ANKRD18B: variants seen among roughly 807,000 people sequenced by gnomAD.
ANKRD18B encodes the protein ankyrin repeat domain 18B, also known as ankyrin repeat domain-containing protein 18B.
Under a neutral mutation model 111.8 loss-of-function variants are expected in ANKRD18B, and 75 were observed. That is an observed-to-expected ratio of 0.67 (90% confidence interval 0.56 to 0.81). The LOEUF is 0.81. Ranked by LOEUF, ANKRD18B falls within the 40% of genes least tolerant of loss-of-function variation. The pLI, the probability that ANKRD18B is intolerant of heterozygous loss-of-function variation, is 0.00. For missense variants in ANKRD18B, 1,038 were observed against 1,225.5 expected, an observed-to-expected ratio of 0.85 and a Z score of 2.28; for synonymous variants, 356 against 417.3, an observed-to-expected ratio of 0.85 and a Z score of 1.79.
At chr9:33,541,792 A>G (rs1441395710) in intron 9 of ANKRD18B, among the ~76,000 whole-genome samples, 1 of 152,190 alleles carries the variant, frequency 6.6e-6, no homozygotes, top group Admixed American at 6.5e-5. Flanking sequence ...TTGCTTTTTA[A>G]AAAAATTTAA....
At chr9:33,573,405 G>T, downstream of ANKRD18B, 2 of 693,916 alleles carry the variant, frequency 2.9e-6, 1 homozygote, top group Non-Finnish European at 3.5e-6. Flanking sequence ...TGTGTCTCTA[G>T]ATCGGGGCTC....
chr9:33,553,651 G>A (rs549451586), intron 12 of ANKRD18B, among the ~76,000 whole-genome samples: 1 of 152,296 alleles, frequency 6.6e-6, no homozygotes, highest in Admixed American at 6.5e-5. Flanking sequence ...CAATGACATA[G>A]TTGAGTGTCC....
chr9:33,572,757 T>G lies in ANKRD18B; in HGVS notation c.*323T>G, dbSNP rs1274151956. 4 of 1,002,252 alleles carry G rather than the reference T, an allele frequency of 4.0e-6. 1 individual carries two copies. Among genetic ancestry groups the G allele is most frequent in the Non-Finnish European group, 4.8e-6 (4 of 838,074 alleles). 62.1% of individuals were successfully genotyped at this position (1,002,252 alleles called of 1,614,324 possible). A position where few individuals can be genotyped will look rare whatever the true frequency, so the allele number is the denominator to read the frequency against. ...TTATTACCATATATAGTAGGAGACT[T>G]AAAGAGTATCTGCCAGGTTTGTCCA... is the stretch of plus-strand genomic sequence containing the variant. On this transcript the variant is annotated 3_prime_UTR_variant, in exon 19 of 19. Transcript: ENST00000684830.
In ANKRD18B at chr9:33,548,533, T is replaced by G; in HGVS notation, c.1745T>G (p.Leu582Arg). 6.4e-7 allele frequency: 1 copy of G among 1,551,002 alleles called. No homozygotes were observed. Among genetic ancestry groups the G allele is most frequent in the East Asian group, 2.4e-5 (1 of 40,914 alleles). ...TLALESVQLD[L>R]KQAQHRIKEM... ...GCTTTAGAAAGTGTACAGCTGGACC[T>G]AAAGCAAGCGCAGCATCGAATAAAG... The change falls in exon 11 of 19, where the codon CTA (leucine) becomes CGA (arginine). Residue 582 changes from leucine (L) to arginine (R), a missense_variant. Around this residue, in one of 4 missense-constraint regions of ANKRD18B, gnomAD observed 524 missense variants for 677.9 expected, o/e 0.77. Coordinates refer to ENST00000684830, the MANE Select transcript of ANKRD18B (RefSeq NM_001393611.1).
rs1828248042 is a variant in ANKRD18B, at chr9:33,539,448, G to A, written c.809-1G>A. 6.1e-6 allele frequency: 1 copy of A among 164,936 alleles called. No individual in the cohort carries two copies. The highest frequency in any genetic ancestry group is 2.4e-5 in the African/African-American group (1 of 41,464). 10.2% of individuals were successfully genotyped at this position (164,936 alleles called of 1,614,324 possible). ...ATCTAACAAGCTTGCATGTTTGACA[G>A]AAGCAGCAGCCATGAAGAATGAAAG... On this transcript the variant is annotated splice_acceptor_variant, in intron 6 of 18. Transcript: ENST00000684830. LOFTEE classifies it high-confidence loss of function.
intron 11 of ANKRD18B, 77 bp downstream of exon 11, chr9:33,548,932 C>A: frequency 3.1e-6 from 4 of 1,278,198 alleles, no homozygotes; most frequent in Non-Finnish European, 4.2e-6. Context: ...GAACGTAGTT[C>A]AATATAAAAA....
chr9:33,573,299 C>A, downstream of ANKRD18B: 1 of 985,168 alleles, frequency 1.0e-6, no homozygotes, highest in Non-Finnish European at 1.2e-6. Flanking sequence ...TACCAAGAAA[C>A]TAGCAAAGGG....
chr9:33,538,086 A>G (rs997201551), intron 6 of ANKRD18B, among the ~76,000 whole-genome samples: 8 of 152,164 alleles, frequency 5.3e-5, no homozygotes, highest in African/African-American at 1.9e-4. Context: ...TCAAGGGTCA[A>G]CTGCATTACA....
chr9:33,535,307 A>G (rs1417982602), intron 5 of ANKRD18B, among the ~76,000 whole-genome samples: 1 of 152,020 alleles, frequency 6.6e-6, no homozygotes. Context: ...TTTTTTCGAG[A>G]TGGAGTCTTG....
intron 16 of ANKRD18B, 127 bp from the exon 17 acceptor site, chr9:33,568,544 C>G: frequency 1.3e-6 from 1 of 743,776 alleles, no homozygotes; most frequent in Admixed American, 3.3e-5. Context: ...CACACATCTT[C>G]GTGTGAAAAC....
At chr9:33,549,454 C>A (rs1361194541) in intron 11 of ANKRD18B, among the ~76,000 whole-genome samples, 1 of 152,032 alleles carries the variant, frequency 6.6e-6, no homozygotes, top group African/African-American at 2.4e-5. Flanking sequence ...TTTATGTTGC[C>A]GCATTTTAAG....
intron 14 of ANKRD18B, 49 bp downstream of exon 14, chr9:33,558,236 G>A (rs1312872713): frequency 6.4e-7 from 1 of 1,550,700 alleles, no homozygotes; most frequent in Admixed American, 1.9e-5. Flanking sequence ...TTACATGTGT[G>A]AGAGGTACAG....
chr9:33,568,973 T>C (rs1828729098), intron 17 of ANKRD18B, 80 bp downstream of exon 17: 1 of 1,303,198 alleles, frequency 7.7e-7, no homozygotes, highest in African/African-American at 1.5e-5. Flanking sequence ...AATACTGAGT[T>C]GTTCTGTTGA....
intron 1 of ANKRD18B, 40 bp downstream of exon 1, chr9:33,524,735 G>A: frequency 6.5e-7 from 1 of 1,528,772 alleles, no homozygotes; most frequent in South Asian, 1.2e-5. Context: ...GGGCCCCCAG[G>A]CCCGGTTTCC....
In ANKRD18B at chr9:33,551,568, G is replaced by A. The variant is rs558728736; in HGVS notation, c.2217+989G>A. Reference sequence around the variant, plus strand: ...ATGTTTTCAGAATTTTATCCATGTTGTAGCACATATCAGTAGTTTATTCCT... The same window carrying A: ...ATGTTTTCAGAATTTTATCCATGTTATAGCACATATCAGTAGTTTATTCCT... On this transcript the variant is annotated intron_variant, in intron 12 of 18. Transcript: ENST00000684830. 8.4e-4 allele frequency among the ~76,000 whole-genome samples: 128 copies of A among 152,046 alleles called. 1 individual carries two copies. The highest frequency in any genetic ancestry group is 3.1e-3 in the African/African-American group (127 of 41,456).
intron 13 of ANKRD18B, 35 bp from the exon 14 acceptor site, chr9:33,558,023 A>G: frequency 1.3e-6 from 2 of 1,493,718 alleles, no homozygotes; most frequent in South Asian, 2.6e-5. Context: ...TTACTCTTAA[A>G]AATTCTTGAC....
intron 12 of ANKRD18B, among the ~76,000 whole-genome samples, chr9:33,552,414 C>T (rs1009263860): frequency 2.0e-5 from 3 of 152,174 alleles, no homozygotes; most frequent in African/African-American, 4.8e-5. Flanking sequence ...GCAGAGTACT[C>T]GTGAAGGCAG....
chr9:33,557,685 G>A (rs1219988414), intron 13 of ANKRD18B, among the ~76,000 whole-genome samples: 2 of 152,206 alleles, frequency 1.3e-5, no homozygotes, highest in East Asian at 1.9e-4. Flanking sequence ...TTACTTGGGA[G>A]GCTGAGACAG....
At chr9:33,537,066 G>A (rs1459674031) in intron 6 of ANKRD18B, 121 bp downstream of exon 6, 1 of 612,676 alleles carries the variant, frequency 1.6e-6, no homozygotes, top group Non-Finnish European at 2.5e-6. Context: ...GGAGGCCGAG[G>A]CAGGTGGATC....
Sources: allele counts gnomAD v4.1 joint callset (sites outside exome capture counted in the v4.1 genomes callset), GRCh38; gene constraint gnomAD v4.1.1; regional missense constraint gnomAD v4.1.1; transcripts MANE v1.5; gene names NCBI Gene and HGNC (gene_info 2026-07-23, HGNC 2026-07-21).